Variants in CAPZB observed in about 807,000 individuals in gnomAD.
CAPZB encodes capping actin protein of muscle Z-line subunit beta, also known as F-actin-capping protein subunit beta.
In CAPZB, 2 loss-of-function variants were observed where a neutral mutation model predicts 38.1. The observed-to-expected ratio is 0.05, with a 90% CI of 0.02 to 0.17. CAPZB has a LOEUF of 0.17. Among genes scored for constraint, CAPZB ranks in the 10% least tolerant of loss-of-function variants. The probability of loss-of-function intolerance (pLI) is 1.00; values close to 1 mark genes in which losing one functional copy is unlikely to be tolerated. For synonymous variants in CAPZB, 107 were observed against 127.4 expected (o/e 0.84, Z 1.08); for missense variants, 161 against 334.2 (o/e 0.48, Z 4.04).
intron 8 of CAPZB, among the ~76,000 whole-genome samples, chr1:19,342,453 C>T (rs960366976): frequency 2.0e-5 from 3 of 152,230 alleles, no homozygotes; most frequent in Non-Finnish European, 4.4e-5. Flanking sequence ...CAAGTGGCTG[C>T]TGCTGGAGAG....
intron 4 of CAPZB, among the ~76,000 whole-genome samples, chr1:19,373,604 G>A (rs1490328394): frequency 6.6e-6 from 1 of 152,146 alleles, no homozygotes; most frequent in Non-Finnish European, 1.5e-5. Flanking sequence ...TGGCCCGTGG[G>A]CTGCCTGGAT....
intron 3 of CAPZB, 84 bp downstream of exon 3, chr1:19,385,421 A>G (rs563174581): frequency 6.5e-7 from 1 of 1,547,394 alleles, no homozygotes; most frequent in East Asian, 2.3e-5. Context: ...GCCCAAGTCC[A>G]AGGTCCCCGT....
intron 2 of CAPZB, among the ~76,000 whole-genome samples, chr1:19,407,467 T>C (rs881248): frequency 0.23 from 34,630 of 151,666 alleles, 4,308 homozygotes; most frequent in East Asian, 0.46. Context: ...AGACTAGAGA[T>C]GTAGGTTCAA....
At chr1:19,446,698 A>T (rs776370309) in intron 1 of CAPZB, among the ~76,000 whole-genome samples, 4 of 152,244 alleles carry the variant, frequency 2.6e-5, no homozygotes, top group African/African-American at 7.2e-5. Context: ...ACAATTGCAC[A>T]GTGTTAAAAA....
At chr1:19,452,207 G>T (rs1051977688) in intron 1 of CAPZB, among the ~76,000 whole-genome samples, 10 of 151,792 alleles carry the variant, frequency 6.6e-5, no homozygotes, top group African/African-American at 2.2e-4. Flanking sequence ...TTCCTGCCAG[G>T]CTTCTGCATG....
chr1:19,465,227 G>A (rs1008750075), intron 1 of CAPZB, among the ~76,000 whole-genome samples: 3 of 152,114 alleles, frequency 2.0e-5, no homozygotes, highest in Admixed American at 2.0e-4. Flanking sequence ...GTTAAGAGGT[G>A]AGGCCTTTAA....
Position 19,430,748 on chromosome 1 carries a change from T to C in CAPZB, c.4-10998A>G, listed in dbSNP as rs1235839433. Reference sequence around the variant, plus strand: ...CACCTGCACCCGCACCTCAGAGAGCTTGCTGATCCCTGAGCCGTGCACTGA... The same window carrying C: ...CACCTGCACCCGCACCTCAGAGAGCCTGCTGATCCCTGAGCCGTGCACTGA... On this transcript the variant is annotated intron_variant, in intron 1 of 8. Coordinates refer to ENST00000264202, the MANE Select transcript of CAPZB (RefSeq NM_004930.5). Among the ~76,000 whole-genome samples, 3 of 152,312 alleles carry C rather than the reference T, an allele frequency of 2.0e-5. No homozygotes were observed. In the South Asian group the frequency reaches 6.2e-4, roughly 32 times the overall value.
intron 6 of CAPZB, among the ~76,000 whole-genome samples, chr1:19,354,981 A>G (rs2094012318): frequency 6.6e-6 from 1 of 152,148 alleles, no homozygotes; most frequent in Non-Finnish European, 1.5e-5. Context: ...ACTAGTGAGT[A>G]GTCCTGGGAT....
intron 1 of CAPZB, among the ~76,000 whole-genome samples, chr1:19,443,786 T>C (rs2094486910): frequency 1.3e-5 from 2 of 152,048 alleles, no homozygotes; most frequent in African/African-American, 4.8e-5. Flanking sequence ...GGCCGCAGAG[T>C]GAGGCATGTC....
At chr1:19,370,319 C>T (rs756937933) in intron 4 of CAPZB, among the ~76,000 whole-genome samples, 3 of 152,204 alleles carry the variant, frequency 2.0e-5, no homozygotes, top group African/African-American at 7.2e-5. Flanking sequence ...CAAGGACTCA[C>T]GGAATGTGGC....
intron 3 of CAPZB, among the ~76,000 whole-genome samples, chr1:19,379,538 C>T (rs2094162822): frequency 6.6e-6 from 1 of 152,218 alleles, no homozygotes; most frequent in Non-Finnish European, 1.5e-5. Flanking sequence ...GCAAGAGATA[C>T]AGCTCCACAG....
At chr1:19,431,088 C>T (rs1397233484) in intron 1 of CAPZB, among the ~76,000 whole-genome samples, 1 of 152,146 alleles carries the variant, frequency 6.6e-6, no homozygotes, top group Non-Finnish European at 1.5e-5. Flanking sequence ...TGGACTGACC[C>T]ATAACAAATG....
intron 1 of CAPZB, among the ~76,000 whole-genome samples, chr1:19,423,850 G>A (rs1320229659): frequency 6.6e-6 from 1 of 152,066 alleles, no homozygotes; most frequent in East Asian, 1.9e-4. Context: ...CTAATTTTTT[G>A]TAGTTTGGTA....
chr1:19,347,954 G>C (rs1288442341), intron 6 of CAPZB, among the ~76,000 whole-genome samples: 3 of 152,234 alleles, frequency 2.0e-5, no homozygotes, highest in African/African-American at 7.2e-5. Context: ...GCTCAAGGGT[G>C]CATTTCATGC....
At chr1:19,384,173 T>C (rs1261943881) in intron 3 of CAPZB, among the ~76,000 whole-genome samples, 1 of 152,218 alleles carries the variant, frequency 6.6e-6, no homozygotes, top group East Asian at 1.9e-4. Flanking sequence ...CTAACTTTTA[T>C]TACCCTCAGC....
At chr1:19,390,826 G>A (rs937546704) in intron 2 of CAPZB, among the ~76,000 whole-genome samples, 10 of 152,206 alleles carry the variant, frequency 6.6e-5, no homozygotes, top group African/African-American at 2.2e-4. Context: ...CCAGGTGATC[G>A]TAATAGCCCT....
In CAPZB at chr1:19,357,763, C is replaced by T. The variant is rs556846190; in HGVS notation, c.330-200G>A. Among the ~76,000 whole-genome samples the T allele has an allele frequency of 2.4e-4, 37 of 152,018 alleles. 1 individual carries two copies. The South Asian group carries it at 3.9e-3, about 16-fold the overall frequency. Reference sequence around the variant, plus strand: ...TTCCTGGGGGTGTAGTAGGTTTAGGCGTCATAAAGATGAATCTGAGGTTGG... The same window carrying T: ...TTCCTGGGGGTGTAGTAGGTTTAGGTGTCATAAAGATGAATCTGAGGTTGG... On this transcript the variant is annotated intron_variant, in intron 4 of 8. Coordinates refer to ENST00000264202, the MANE Select transcript of CAPZB (RefSeq NM_004930.5). This position sits in a 1 kb window ranked among gnomAD's most constrained non-coding sequence, Gnocchi z 4.3.
intron 2 of CAPZB, among the ~76,000 whole-genome samples, chr1:19,393,139 C>A (rs763951742): frequency 2.6e-5 from 4 of 152,266 alleles, no homozygotes; most frequent in Non-Finnish European, 2.9e-5. Flanking sequence ...CACGGAAGCA[C>A]AGCTTCATGT....
intron 4 of CAPZB, among the ~76,000 whole-genome samples, chr1:19,362,876 T>A (rs893485647): frequency 1.3e-5 from 2 of 151,582 alleles, no homozygotes; most frequent in Admixed American, 6.6e-5. Context: ...CTTGGACAAG[T>A]GTTGAACCAT....
Sources: allele counts gnomAD v4.1 joint callset (sites outside exome capture counted in the v4.1 genomes callset), GRCh38; gene constraint gnomAD v4.1.1; non-coding constraint Gnocchi (gnomAD v3.1); transcripts MANE v1.5; gene names NCBI Gene and HGNC (gene_info 2026-07-23, HGNC 2026-07-21).